Variants in TBCD observed in about 807,000 individuals in gnomAD.
TBCD encodes the protein tubulin folding cofactor D, also known as tubulin-specific chaperone D.
TBCD carries 105 observed loss-of-function variants against 169.3 expected under a neutral mutation model. The ratio of observed to expected loss-of-function variants is 0.62; its 90% CI spans 0.53 to 0.73. TBCD has a LOEUF of 0.73. Ranked by LOEUF, TBCD falls within the 30% of genes least tolerant of loss-of-function variation. The pLI, the probability that TBCD is intolerant of heterozygous loss-of-function variation, is 0.00. For synonymous variants in TBCD, 700 were observed against 643.9 expected (o/e 1.09, Z -1.32); for missense variants, 1,444 against 1,600.1 (o/e 0.90, Z 1.66).
intron 32 of TBCD, chr17:82,929,948 C>T (rs2062059923): frequency 3.1e-6 from 1 of 320,334 alleles, no homozygotes; most frequent in Non-Finnish European, 6.0e-6. Flanking sequence ...TTGAAGGCCT[C>T]TCTGCATCTT....
intron 26 of TBCD, among the ~76,000 whole-genome samples, chr17:82,924,295 C>T (rs967531549): frequency 3.3e-5 from 5 of 152,198 alleles, no homozygotes; most frequent in Admixed American, 1.3e-4. Context: ...CATTTTTCTG[C>T]TGTGTGTTTC....
At chr17:82,921,652 G>C in intron 25 of TBCD, 75 bp downstream of exon 25, 1 of 1,396,250 alleles carries the variant, frequency 7.2e-7, no homozygotes, top group Non-Finnish European at 1.0e-6. Flanking sequence ...TGTTTGTGTT[G>C]GCGACTGTGC....
At chr17:82,753,435 A>C (rs1273785160) in intron 1 of TBCD, among the ~76,000 whole-genome samples, 1 of 140,360 alleles carries the variant, frequency 7.1e-6, no homozygotes, top group Admixed American at 7.4e-5. Context: ...GTAACAGCCC[A>C]ATGGCTTCTT....
intron 8 of TBCD, among the ~76,000 whole-genome samples, chr17:82,799,373 T>C (rs528579126): frequency 6.9e-6 from 1 of 144,214 alleles, no homozygotes; most frequent in Non-Finnish European, 1.5e-5. Context: ...AGCCAGGGAG[T>C]TGGAGGTTGC....
intron 3 of TBCD, among the ~76,000 whole-genome samples, chr17:82,765,794 T>C (rs2047990357): frequency 1.3e-5 from 2 of 152,170 alleles, no homozygotes; most frequent in African/African-American, 4.8e-5. Context: ...AATATGGTAA[T>C]GAATAACACT....
Position 82,943,553 on chromosome 17 carries a change from C to T in TBCD, c.*1090C>T, listed in dbSNP as rs2063477140. On this transcript the variant is annotated 3_prime_UTR_variant, in exon 39 of 39. Transcript: ENST00000355528. ...CTCTCAGGTGGGGATGGGGCCTGGACACAGGAACATGGGCAGGCCGAGAAC... is the reference window on the plus strand; with the variant it reads ...CTCTCAGGTGGGGATGGGGCCTGGATACAGGAACATGGGCAGGCCGAGAAC... The T allele has an allele frequency of 2.0e-5, 3 of 152,292 alleles. No individual in the cohort carries two copies. In the South Asian group the frequency reaches 6.2e-4, roughly 32 times the overall value. The allele number at this position is 152,292 out of a possible 1,614,324, so 9.4% of individuals were successfully genotyped here. A position where few individuals can be genotyped will look rare whatever the true frequency, so the allele number is the denominator to read the frequency against.
chr17:82,768,363 G>C, intron 4 of TBCD, 57 bp from the exon 5 acceptor site: 1 of 1,604,468 alleles, frequency 6.2e-7, no homozygotes, highest in Non-Finnish European at 8.5e-7. Flanking sequence ...GTAGATTGTG[G>C]CCAGTGGCCT....
At chr17:82,849,881 T>C (rs902703508) in intron 13 of TBCD, among the ~76,000 whole-genome samples, 1 of 152,076 alleles carries the variant, frequency 6.6e-6, no homozygotes, top group African/African-American at 2.4e-5. Flanking sequence ...CTTGAGGCTG[T>C]GCTGCTGTTG....
At chr17:82,865,364 C>A in intron 13 of TBCD, 1 of 740,196 alleles carries the variant, frequency 1.4e-6, no homozygotes, top group Non-Finnish European at 1.7e-6. Flanking sequence ...GCAGGCTCCA[C>A]GCTGAGGGTC....
At chr17:82,911,834 G>T in intron 23 of TBCD, 45 bp downstream of exon 23, 1 of 1,609,664 alleles carries the variant, frequency 6.2e-7, no homozygotes, top group African/African-American at 1.3e-5. Context: ...CTTTGCCGCA[G>T]CCATCGTTGA....
At chr17:82,758,400 A>AAAAAAAAAATAAAT (rs1035939621) in intron 2 of TBCD, among the ~76,000 whole-genome samples, 49 of 100,038 alleles carry the variant, frequency 4.9e-4, no homozygotes, top group East Asian at 1.3e-3. Flanking sequence ...AAAAAAAAAA[A>AAAAAAAAAATAAAT]AAATAAATAA....
At position 82,889,608 on chromosome 17, in the gene TBCD, C is replaced by G. The variant is rs2146365008; in HGVS notation, c.1534-60C>G. On this transcript the variant is annotated intron_variant, in intron 15 of 38. Transcript: ENST00000355528. This position sits in a 1 kb window ranked among gnomAD's most constrained non-coding sequence, Gnocchi z 5.3. Reference sequence around the variant, plus strand: ...CGTTGTGCTGTTTGTTCTGAACTTGCCTCTGGTGTTGGCGGAAGCTGACCT... The same window carrying G: ...CGTTGTGCTGTTTGTTCTGAACTTGGCTCTGGTGTTGGCGGAAGCTGACCT... 1 of 1,608,570 alleles carries G rather than the reference C, an allele frequency of 6.2e-7. No homozygotes were observed. The highest frequency in any genetic ancestry group is 8.5e-7 in the Non-Finnish European group (1 of 1,175,624).
intron 5 of TBCD, among the ~76,000 whole-genome samples, chr17:82,770,632 C>T (rs950378961): frequency 4.0e-5 from 6 of 151,878 alleles, no homozygotes; most frequent in Admixed American, 6.6e-5. Flanking sequence ...ATGGTTTACC[C>T]ACCCTTGTTT....
chr17:82,830,278 T>G lies in TBCD; in HGVS notation c.1318+15344T>G, dbSNP rs973435771. On this transcript the variant is annotated intron_variant, in intron 13 of 38. Transcript: ENST00000355528. Reference sequence around the variant, plus strand: ...TTGTCCTTTGGGTCTGAGGTCACACTGGGCCTCTTGGCTCTCCATGGAGCT... The same window carrying G: ...TTGTCCTTTGGGTCTGAGGTCACACGGGGCCTCTTGGCTCTCCATGGAGCT... The G allele has an allele frequency of 7.4e-6, 12 of 1,614,118 alleles. No homozygotes were observed. The African/African-American group carries it at 1.5e-4, about 20-fold the overall frequency.
chr17:82,834,895 TTAAAG>T (rs1156691435), intron 13 of TBCD, among the ~76,000 whole-genome samples: 8 of 151,894 alleles, frequency 5.3e-5, no homozygotes, highest in South Asian at 4.2e-4. Flanking sequence ...AAAAAATACA[TTAAAG>T]TAAAGTTAAA....
In TBCD at chr17:82,806,954, C is replaced by T. The variant is rs886369019; in HGVS notation, c.1088-654C>T. On this transcript the variant is annotated intron_variant, in intron 10 of 38. Coordinates refer to ENST00000355528, the MANE Select transcript of TBCD (RefSeq NM_005993.5). This position sits in a 1 kb window ranked among gnomAD's most constrained non-coding sequence, Gnocchi z 5.1. ...CCGCAGCCTGCCCCAGGTTCATTCC[C>T]GTCTCCCACCCGCTGCAGGCAGTCC... Among the ~76,000 whole-genome samples the T allele has an allele frequency of 3.9e-5, 6 of 152,312 alleles. No homozygotes were observed. Among genetic ancestry groups the T allele is most frequent in the South Asian group, 4.1e-4 (2 of 4,822 alleles).
At chr17:82,871,826 T>G (rs948224994) in intron 14 of TBCD, among the ~76,000 whole-genome samples, 1 of 152,208 alleles carries the variant, frequency 6.6e-6, no homozygotes, top group African/African-American at 2.4e-5. Flanking sequence ...GCTTCGTCTT[T>G]TGGACGTCCT....
At chr17:82,929,733 C>A in intron 32 of TBCD, 1 of 641,098 alleles carries the variant, frequency 1.6e-6, no homozygotes, top group South Asian at 1.8e-5. Flanking sequence ...GCGCCACTCT[C>A]TTCCTGCGGC....
At position 82,786,220 on chromosome 17, in the gene TBCD, C is replaced by T. The variant is rs535625881; in HGVS notation, c.771+4499C>T. Among the ~76,000 whole-genome samples, 9 of 152,122 alleles carry T rather than the reference C, an allele frequency of 5.9e-5. No homozygotes were observed. In the East Asian group the frequency reaches 1.7e-3, roughly 30 times the overall value. On this transcript the variant is annotated intron_variant, in intron 7 of 38. Coordinates refer to ENST00000355528, the MANE Select transcript of TBCD (RefSeq NM_005993.5). ...AGGTGGCTTCGAGGGCTTCTCTGCCCTCTAGGATTCCCTCATCCTTAGAAA... is the reference window on the plus strand; with the variant it reads ...AGGTGGCTTCGAGGGCTTCTCTGCCTTCTAGGATTCCCTCATCCTTAGAAA...
Sources: allele counts gnomAD v4.1 joint callset (sites outside exome capture counted in the v4.1 genomes callset), GRCh38; gene constraint gnomAD v4.1.1; non-coding constraint Gnocchi (gnomAD v3.1); transcripts MANE v1.5; gene names NCBI Gene and HGNC (gene_info 2026-07-23, HGNC 2026-07-21).